PICALM: variants seen among roughly 807,000 people sequenced by gnomAD.
PICALM encodes the protein phosphatidylinositol binding clathrin assembly protein, also known as phosphatidylinositol-binding clathrin assembly protein.
In PICALM, 40 loss-of-function variants were observed where a neutral mutation model predicts 80.5. That is an observed-to-expected ratio of 0.50 (90% CI 0.39 to 0.65). The LOEUF (loss-of-function observed/expected upper bound fraction) is 0.65. Among genes scored for constraint, PICALM ranks in the 30% least tolerant of loss-of-function variants. The pLI is 0.00. For synonymous variants in PICALM, 288 were observed against 260.3 expected, an observed-to-expected ratio of 1.11 and a Z score of -1.02; for missense variants, 676 against 778.9, an observed-to-expected ratio of 0.87 and a Z score of 1.57.
At chr11:86,061,201 C>T (rs1157539400) in intron 1 of PICALM, among the ~76,000 whole-genome samples, 2 of 151,716 alleles carry the variant, frequency 1.3e-5, no homozygotes, top group Non-Finnish European at 2.9e-5. Flanking sequence ...TGATGGTAGA[C>T]ACCTGTAATC....
intron 18 of PICALM, 52 bp from the exon 19 acceptor site, chr11:85,974,864 G>C (rs750882643): frequency 8.2e-7 from 1 of 1,213,450 alleles, no homozygotes; most frequent in Admixed American, 1.7e-5. Flanking sequence ...TCCTTATTGT[G>C]ACTAAGTAAA....
chr11:85,966,745 CAG>C (rs1488243411), intron 19 of PICALM, among the ~76,000 whole-genome samples: 1 of 152,104 alleles, frequency 6.6e-6, no homozygotes, highest in African/African-American at 2.4e-5. Context: ...ATTTGATGAC[CAG>C]TGTCCTTATA....
intron 3 of PICALM, 31 bp from the exon 4 acceptor site, chr11:86,022,500 AAGAG>A: frequency 5.1e-6 from 6 of 1,166,400 alleles, no homozygotes; most frequent in Non-Finnish European, 7.1e-6. Context: ...AAACAAAACA[AAGAG>A]AGAGACAAGT....
In PICALM at chr11:85,981,922, C is replaced by T. The variant is rs756272821; in HGVS notation, c.1598G>A (p.Ser533Asn). 1.9e-6 allele frequency: 3 copies of T among 1,613,614 alleles called. No homozygotes were observed. The Admixed American group carries it at 5.0e-5, about 27-fold the overall frequency. The change falls in exon 15 of 20, where the codon AGC (serine) becomes AAC (asparagine). Residue 533 changes from serine (S) to asparagine (N), a missense_variant. Transcript: ENST00000393346. The part of the protein sequence containing the change: ...QNLPVAKLPP[S>N]KLVSDDLDSS... Reference sequence around the variant, plus strand: ...ATCCAAGTCATCAGATACTAACTTGCTAGGTGGGAGTTTGGCAACAGGAAG... The same window carrying T: ...ATCCAAGTCATCAGATACTAACTTGTTAGGTGGGAGTTTGGCAACAGGAAG...
rs184277434 is a variant in PICALM at position 85,971,705 on chromosome 11, G to A, written c.1944+3003C>T. ...GAGCCGAGATCGCACCACTGTACTC[G>A]AGTCTGGGTGACAGAGCAAGACCCT... On this transcript the variant is annotated intron_variant, in intron 19 of 19. Coordinates refer to ENST00000393346, the MANE Select transcript of PICALM (RefSeq NM_007166.4). 3.9e-3 allele frequency among the ~76,000 whole-genome samples: 588 copies of A among 150,846 alleles called. 2 individuals carry two copies. Among genetic ancestry groups the A allele is most frequent in the Non-Finnish European group, 6.1e-3 (416 of 67,762 alleles).
Position 85,958,465 on chromosome 11 carries a change from A to G in PICALM, c.*581T>C. 1 of 210,184 alleles carries G rather than the reference A, an allele frequency of 4.8e-6. No individual in the cohort carries two copies. Among genetic ancestry groups the G allele is most frequent in the Non-Finnish European group, 9.7e-6 (1 of 103,294 alleles). The allele number at this position is 210,184 out of a possible 1,614,324, so 13.0% of individuals were successfully genotyped here. A position where few individuals can be genotyped will look rare whatever the true frequency, so the allele number is the denominator to read the frequency against. ...TCATTTTCATAAGGAGGTCTGATAC[A>G]ATATTAATGTTATGTAAAATTGATA... On this transcript the variant is annotated 3_prime_UTR_variant, in exon 20 of 20. Transcript: ENST00000393346.
intron 8 of PICALM, chr11:86,007,287 T>A: frequency 4.2e-6 from 1 of 236,628 alleles, no homozygotes; most frequent in Non-Finnish European, 8.3e-6. Context: ...TAAACAATGA[T>A]GATGGGAAAG....
At chr11:85,984,002 A>C in intron 13 of PICALM, 29 bp from the exon 14 acceptor site, 4 of 969,758 alleles carry the variant, frequency 4.1e-6, no homozygotes, top group Non-Finnish European at 6.6e-6. Flanking sequence ...AAAAAAGCTC[A>C]ATTATTTAAT....
intron 18 of PICALM, 37 bp from the exon 19 acceptor site, chr11:85,974,849 T>C (rs1483124501): frequency 1.5e-6 from 2 of 1,320,664 alleles, no homozygotes; most frequent in Admixed American, 1.7e-5. Context: ...TACTGACTCC[T>C]ATCTTCCTTA....
At chr11:86,055,361 A>G (rs960057346) in intron 1 of PICALM, among the ~76,000 whole-genome samples, 4 of 152,130 alleles carry the variant, frequency 2.6e-5, no homozygotes, top group Non-Finnish European at 5.9e-5. Flanking sequence ...GGAAACATAC[A>G]ATGACACTAT....
At chr11:86,035,432 G>A (rs2095823824) in intron 1 of PICALM, among the ~76,000 whole-genome samples, 1 of 152,142 alleles carries the variant, frequency 6.6e-6, no homozygotes, top group Admixed American at 6.5e-5. Context: ...AAACCACACT[G>A]ATACCCGAAT....
At chr11:85,973,553 C>T (rs896728038) in intron 19 of PICALM, among the ~76,000 whole-genome samples, 1 of 152,006 alleles carries the variant, frequency 6.6e-6, no homozygotes, top group African/African-American at 2.4e-5. Context: ...TATAAATTAA[C>T]CTTTATCAGA....
At chr11:86,040,665 C>T (rs1254100412) in intron 1 of PICALM, among the ~76,000 whole-genome samples, 2 of 152,062 alleles carry the variant, frequency 1.3e-5, no homozygotes, top group East Asian at 1.9e-4. Context: ...TGCAGGCTTG[C>T]TTTATATTTG....
intron 19 of PICALM, among the ~76,000 whole-genome samples, chr11:85,961,873 ATTT>A: frequency 6.6e-6 from 1 of 151,862 alleles, no homozygotes; most frequent in East Asian, 1.9e-4. Flanking sequence ...TTATTTATTT[ATTT>A]ATTTATTTAT....
At chr11:86,020,449 G>C (rs1299220337) in intron 4 of PICALM, among the ~76,000 whole-genome samples, 1 of 132,496 alleles carries the variant, frequency 7.5e-6, no homozygotes, top group Non-Finnish European at 1.6e-5. Context: ...AAAAAGAATA[G>C]AATTGGAAGA....
chr11:86,000,437 A>G (rs1245512882), intron 11 of PICALM, among the ~76,000 whole-genome samples: 1 of 152,234 alleles, frequency 6.6e-6, no homozygotes, highest in African/African-American at 2.4e-5. Flanking sequence ...TCAGTGATTT[A>G]ACTATCTTCC....
At chr11:86,004,509 T>C (rs2095233951) in intron 8 of PICALM, among the ~76,000 whole-genome samples, 1 of 152,020 alleles carries the variant, frequency 6.6e-6, no homozygotes, top group Non-Finnish European at 1.5e-5. Flanking sequence ...AAATGAATAC[T>C]TACGTTTTTT....
intron 1 of PICALM, among the ~76,000 whole-genome samples, chr11:86,042,795 G>A (rs376478828): frequency 1.1e-4 from 17 of 151,828 alleles, no homozygotes; most frequent in Non-Finnish European, 2.5e-4. Flanking sequence ...GCAGGGTCCA[G>A]AGTGGGGGCA....
At chr11:85,995,299 C>A (rs1339439806) in intron 12 of PICALM, among the ~76,000 whole-genome samples, 3 of 152,032 alleles carry the variant, frequency 2.0e-5, no homozygotes, top group Non-Finnish European at 4.4e-5. Flanking sequence ...AGCAAAATAA[C>A]CGAAAATAGA....
Sources: gnomAD v4.1 joint callset for allele counts (sites outside exome capture counted in the v4.1 genomes callset) on GRCh38, gnomAD v4.1.1 for gene constraint, MANE v1.5 for transcripts, NCBI Gene and HGNC (gene_info 2026-07-23, HGNC 2026-07-21) for gene names.